Variants in AP4S1 observed in about 807,000 individuals in gnomAD.
AP4S1 encodes AP-4 complex subunit sigma-1.
Under a neutral mutation model 19.8 loss-of-function variants are expected in AP4S1, and 23 were observed. The observed-to-expected ratio is 1.16, with a 90% CI of 0.84 to 1.65. The LOEUF is 1.65. Among genes scored for constraint, AP4S1 ranks in the 40% most tolerant of loss-of-function variants. The pLI, the probability that AP4S1 is intolerant of heterozygous loss-of-function variation, is 0.00. For missense variants in AP4S1, 166 were observed against 172.8 expected (o/e 0.96, Z 0.22); for synonymous variants, 46 against 54.1 (o/e 0.85, Z 0.66).
At position 31,066,255 on chromosome 14, in the gene AP4S1, A is replaced by G. The variant is rs1886708635; in HGVS notation, c.59A>G (p.Tyr20Cys). The change falls in exon 2 of 6, where the codon TAT becomes TGT. Residue 20 changes from tyrosine (Y) to cysteine (C), a missense_variant. Physicochemically the swap from Tyr to Cys is radical, Grantham distance 194 (BLOSUM62 -2). Coordinates refer to ENST00000542754, the MANE Select transcript of AP4S1 (RefSeq NM_001128126.3). The stretch of plus-strand genomic sequence containing the variant: ...GGGCAGACTCGACTTTCTAAGTACT[A>G]TGAACATGTGGATATTAATAAGCGT... The part of the protein sequence containing the change: ...KQGQTRLSKY[Y>C]EHVDINKRTL... 4 of 1,613,868 alleles carry G rather than the reference A, an allele frequency of 2.5e-6. No homozygotes were observed. Among genetic ancestry groups the G allele is most frequent in the East Asian group, 2.2e-5 (1 of 44,848 alleles).
intron 5 of AP4S1, among the ~76,000 whole-genome samples, chr14:31,082,589 G>A (rs915296237): frequency 1.1e-4 from 17 of 152,296 alleles, no homozygotes; most frequent in African/African-American, 4.1e-4. Context: ...ATCTTAAAAT[G>A]AGAGAATTAA....
At chr14:31,028,888 AAAC>A (rs1034313014) in intron 1 of AP4S1, among the ~76,000 whole-genome samples, 11 of 152,120 alleles carry the variant, frequency 7.2e-5, no homozygotes, top group African/African-American at 1.2e-4. Flanking sequence ...TCCATCCCAA[AAAC>A]AACAACAACA....
At chr14:31,045,717 G>A (rs977116724) in intron 1 of AP4S1, among the ~76,000 whole-genome samples, 4 of 152,082 alleles carry the variant, frequency 2.6e-5, no homozygotes, top group Non-Finnish European at 4.4e-5. Context: ...TTTGGCCTTT[G>A]TTCCTGATTC....
upstream of AP4S1, chr14:31,025,129 A>G (rs1275020729): frequency 6.6e-6 from 1 of 152,242 alleles, no homozygotes; most frequent in Non-Finnish European, 1.5e-5. Context: ...CGTTTCATAA[A>G]TACAGCATCG....
Position 31,069,496 on chromosome 14 carries a change from A to G in AP4S1, c.139-347A>G, listed in dbSNP as rs2139054766. Among the ~76,000 whole-genome samples, 3 of 152,282 alleles carry G rather than the reference A, an allele frequency of 2.0e-5. 1 individual carries two copies. The Middle Eastern group carries it at 0.01, about 518-fold the overall frequency. On this transcript the variant is annotated intron_variant, in intron 2 of 5. Coordinates refer to ENST00000542754, the MANE Select transcript of AP4S1 (RefSeq NM_001128126.3). ...GGGAGGTGAGAAGAAGAAAATCTTT[A>G]TCGTGTTTGCTTATTTTCGCTTCAG...
intron 4 of AP4S1, among the ~76,000 whole-genome samples, chr14:31,074,536 G>A (rs1172243746): frequency 6.6e-6 from 1 of 151,928 alleles, no homozygotes; most frequent in Non-Finnish European, 1.5e-5. Flanking sequence ...CAAAAAATTA[G>A]CCAGGCATGG....
At chr14:31,065,992 A>G (rs1422223712) in intron 1 of AP4S1, 134 bp from the exon 2 acceptor site, 1 of 504,840 alleles carries the variant, frequency 2.0e-6, no homozygotes. Flanking sequence ...CAATTAGTTC[A>G]TAGGAATAAA....
At chr14:31,049,474 T>TAC (rs1165169644) in intron 1 of AP4S1, among the ~76,000 whole-genome samples, 9,494 of 56,998 alleles carry the variant, frequency 0.17, 766 homozygotes, top group Middle Eastern at 0.31. Context: ...TATATATATG[T>TAC]ACACACACAC....
At chr14:31,056,839 A>G (rs1181057804) in intron 1 of AP4S1, among the ~76,000 whole-genome samples, 1 of 152,158 alleles carries the variant, frequency 6.6e-6, no homozygotes, top group Non-Finnish European at 1.5e-5. Context: ...CACTTAGTGA[A>G]GCTGAGGCGT....
At chr14:31,089,128 C>T (rs1438697943) in intron 5 of AP4S1, among the ~76,000 whole-genome samples, 3 of 150,632 alleles carry the variant, frequency 2.0e-5, no homozygotes, top group Non-Finnish European at 4.4e-5. Context: ...CCACTGCACT[C>T]CAGCCTGGGC....
At chr14:31,079,685 G>A (rs534556419) in intron 4 of AP4S1, among the ~76,000 whole-genome samples, 12 of 152,162 alleles carry the variant, frequency 7.9e-5, no homozygotes, top group East Asian at 1.9e-4. Flanking sequence ...AATTAGCCAG[G>A]TGTGGTGGCT....
chr14:31,060,813 A>T (rs748703826), intron 1 of AP4S1, among the ~76,000 whole-genome samples: 1 of 152,200 alleles, frequency 6.6e-6, no homozygotes, highest in African/African-American at 2.4e-5. Flanking sequence ...TGCTAGATGC[A>T]TGGGATGACA....
intron 1 of AP4S1, among the ~76,000 whole-genome samples, chr14:31,049,428 A>AAATATATATATATAT (rs1384450221): frequency 1.2e-4 from 7 of 57,738 alleles, no homozygotes; most frequent in African/African-American, 4.7e-4. Context: ...AAAAAAAAAA[A>AAATATATATATATAT]ATATATATAT....
At chr14:31,059,043 C>T (rs1886288639) in intron 1 of AP4S1, among the ~76,000 whole-genome samples, 1 of 152,150 alleles carries the variant, frequency 6.6e-6, no homozygotes, top group Non-Finnish European at 1.5e-5. Flanking sequence ...TAGGTGCTTA[C>T]AGCATTCATC....
chr14:31,059,959 G>GTA (rs1238305734), intron 1 of AP4S1, among the ~76,000 whole-genome samples: 1 of 119,752 alleles, frequency 8.4e-6, no homozygotes, highest in Non-Finnish European at 1.8e-5. Context: ...ATTTATTTAT[G>GTA]TATATATATG....
chr14:31,078,832 T>C (rs993029533), intron 4 of AP4S1, among the ~76,000 whole-genome samples: 2 of 152,006 alleles, frequency 1.3e-5, no homozygotes, highest in Admixed American at 6.6e-5. Context: ...GATCAAACCA[T>C]AGCAAAAAGA....
At chr14:31,034,871 C>T (rs1884633841) in intron 1 of AP4S1, among the ~76,000 whole-genome samples, 1 of 151,830 alleles carries the variant, frequency 6.6e-6, no homozygotes, top group Non-Finnish European at 1.5e-5. Flanking sequence ...AGGTGATCCA[C>T]CTGCCTTGGC....
At chr14:31,028,359 G>A (rs1347780030) in intron 1 of AP4S1, among the ~76,000 whole-genome samples, 4 of 151,778 alleles carry the variant, frequency 2.6e-5, no homozygotes, top group African/African-American at 9.7e-5. Context: ...TGTATTTTTT[G>A]TAGAGACGGG....
At chr14:31,038,121 C>G (rs1324949760) in intron 1 of AP4S1, among the ~76,000 whole-genome samples, 2 of 152,158 alleles carry the variant, frequency 1.3e-5, no homozygotes, top group South Asian at 2.1e-4. Flanking sequence ...AGGATGGTAC[C>G]AAGTTCAGAT....
Sources: gnomAD v4.1 joint callset for allele counts (sites outside exome capture counted in the v4.1 genomes callset) on GRCh38, gnomAD v4.1.1 for gene constraint, MANE v1.5 for transcripts, NCBI Gene and HGNC (gene_info 2026-07-23, HGNC 2026-07-21) for gene names.